The following YAP1 variants were observed in gnomAD, a reference collection of about 807,000 sequenced individuals.
The protein encoded by YAP1 is Yes1 associated transcriptional regulator, also known as transcriptional coactivator YAP1.
A neutral mutation model predicts 56.9 loss-of-function variants in YAP1; 5 were observed. The observed-to-expected ratio is 0.09, with a 90% CI of 0.05 to 0.18. YAP1 has a LOEUF of 0.18. Among genes scored for constraint, YAP1 ranks in the 10% least tolerant of loss-of-function variants. The probability of loss-of-function intolerance (pLI) is 1.00; values close to 1 mark genes in which losing one functional copy is unlikely to be tolerated. For synonymous variants in YAP1, 265 were observed against 248.1 expected (o/e 1.07, Z -0.64); for missense variants, 539 against 651.8 (o/e 0.83, Z 1.88).
At chr11:102,191,333 A>G (rs10895270) in intron 4 of YAP1, among the ~76,000 whole-genome samples, 73,806 of 151,536 alleles carry the variant, frequency 0.49, 18,413 homozygotes, top group East Asian at 0.63. Flanking sequence ...CCACACAGCC[A>G]TTACGATTCC....
chr11:102,168,357 C>T (rs1258949848), intron 3 of YAP1, among the ~76,000 whole-genome samples: 2 of 152,102 alleles, frequency 1.3e-5, no homozygotes, highest in Non-Finnish European at 2.9e-5. Context: ...TGACTAGGAT[C>T]AATAAAAGTT....
chr11:102,135,435 C>G (rs1227461553), intron 2 of YAP1, among the ~76,000 whole-genome samples: 1 of 152,200 alleles, frequency 6.6e-6, no homozygotes, highest in Non-Finnish European at 1.5e-5. Context: ...CCAAAGATAG[C>G]TTCACTCATA....
chr11:102,112,232 C>G (rs1942982758), intron 1 of YAP1, among the ~76,000 whole-genome samples: 1 of 152,226 alleles, frequency 6.6e-6, no homozygotes, highest in Non-Finnish European at 1.5e-5. Context: ...ATTCTAGGAT[C>G]GCCATTGCTT....
intron 6 of YAP1, among the ~76,000 whole-genome samples, chr11:102,211,230 T>G (rs1353789838): frequency 6.6e-6 from 1 of 152,182 alleles, no homozygotes; most frequent in Non-Finnish European, 1.5e-5. Context: ...GATAAATAAG[T>G]CAAATTCTTC....
chr11:102,208,415 C>A (rs772100362), intron 5 of YAP1, among the ~76,000 whole-genome samples: 1 of 152,078 alleles, frequency 6.6e-6, no homozygotes, highest in Non-Finnish European at 1.5e-5. Context: ...TCATTTTCAG[C>A]GAACCTTTAG....
chr11:102,223,865 G>C (rs1263563011), intron 7 of YAP1, 113 bp downstream of exon 7: 12 of 1,354,402 alleles, frequency 8.9e-6, no homozygotes, highest in Non-Finnish European at 1.1e-5. Context: ...AAAAACCATA[G>C]CTGTAAATGA....
At position 102,166,135 on chromosome 11, in the gene YAP1, T is replaced by C. The variant is rs75438387; in HGVS notation, c.688+3564T>C. ...CGATTCTAGGAGTCAGTCAAAACTT[T>C]CCAAATTAGAGTGAAGTGTTATCTT... is the stretch of plus-strand genomic sequence containing the variant. On this transcript the variant is annotated intron_variant, in intron 3 of 8. Coordinates refer to ENST00000282441, the MANE Select transcript of YAP1 (RefSeq NM_001130145.3). Among the ~76,000 whole-genome samples, 178 of 152,306 alleles carry C rather than the reference T, an allele frequency of 1.2e-3. 1 individual carries two copies. The highest frequency in any genetic ancestry group is 4.0e-3 in the African/African-American group (166 of 41,568).
chr11:102,224,014 TA>T (rs1950075861), intron 7 of YAP1, among the ~76,000 whole-genome samples: 1 of 152,260 alleles, frequency 6.6e-6, no homozygotes, highest in African/African-American at 2.4e-5. Context: ...TACTGTTGAC[TA>T]ACAGTTACTT....
chr11:102,223,629 C>A lies in YAP1; in HGVS notation c.1040C>A (p.Ala347Asp). Residue 347 changes from alanine (A) to aspartate (D), a missense_variant, in exon 7 of 9, where the codon GCC (alanine) becomes GAC (aspartate). Around this residue, in one of 4 missense-constraint regions of YAP1, gnomAD observed 414 missense variants for 512.4 expected, o/e 0.81. Transcript: ENST00000282441. ...GGCTTTATTTTTAATTAGGAGTTAG[C>A]CCTGCGTAGCCAGTTACCAACACTG... ...TANSPKCQEL[A>D]LRSQLPTLEQ... 1 of 1,613,660 alleles carries A rather than the reference C, an allele frequency of 6.2e-7. No individual in the cohort carries two copies. Among genetic ancestry groups the A allele is most frequent in the Non-Finnish European group, 8.5e-7 (1 of 1,179,862 alleles).
intron 2 of YAP1, among the ~76,000 whole-genome samples, chr11:102,158,432 A>G (rs1946076463): frequency 2.0e-5 from 3 of 152,212 alleles, no homozygotes; most frequent in Non-Finnish European, 4.4e-5. Flanking sequence ...TATCTAAGGC[A>G]GTGCTTCTCA....
chr11:102,143,525 C>G (rs1389044777), intron 2 of YAP1, among the ~76,000 whole-genome samples: 1 of 152,192 alleles, frequency 6.6e-6, no homozygotes, highest in Admixed American at 6.5e-5. Flanking sequence ...TTAGCCAGCA[C>G]ACCCCCCATA....
intron 2 of YAP1, among the ~76,000 whole-genome samples, chr11:102,135,459 C>G (rs1944622247): frequency 6.6e-6 from 1 of 152,186 alleles, no homozygotes; most frequent in Non-Finnish European, 1.5e-5. Flanking sequence ...CTTGCTTGCA[C>G]TTTGATGTGG....
intron 2 of YAP1, among the ~76,000 whole-genome samples, chr11:102,141,813 T>C (rs946165413): frequency 5.3e-5 from 8 of 152,230 alleles, no homozygotes; most frequent in African/African-American, 1.4e-4. Context: ...TTGTGTCTTA[T>C]GCACTTAGCA....
chr11:102,143,144 T>G (rs1945114813), intron 2 of YAP1, among the ~76,000 whole-genome samples: 1 of 152,186 alleles, frequency 6.6e-6, no homozygotes, highest in Non-Finnish European at 1.5e-5. Flanking sequence ...TTTTTTTGTT[T>G]TTTTGTTTTT....
At chr11:102,126,341 A>G (rs1425136202) in intron 2 of YAP1, among the ~76,000 whole-genome samples, 1 of 152,180 alleles carries the variant, frequency 6.6e-6, no homozygotes, top group Non-Finnish European at 1.5e-5. Flanking sequence ...TGAAATCTCA[A>G]TGTGAATTTT....
intron 3 of YAP1, among the ~76,000 whole-genome samples, chr11:102,175,675 T>C (rs984316613): frequency 2.6e-5 from 4 of 152,210 alleles, no homozygotes; most frequent in African/African-American, 9.6e-5. Context: ...GCTCTTAGGC[T>C]ACAAACCTGG....
chr11:102,154,037 G>A (rs1229109055), intron 2 of YAP1, among the ~76,000 whole-genome samples: 5 of 152,000 alleles, frequency 3.3e-5, no homozygotes, highest in Non-Finnish European at 7.4e-5. Context: ...GACCATGACT[G>A]TGACTATTAG....
intron 2 of YAP1, among the ~76,000 whole-genome samples, chr11:102,117,835 G>C (rs1444751911): frequency 6.6e-6 from 1 of 152,180 alleles, no homozygotes; most frequent in Non-Finnish European, 1.5e-5. Context: ...CCATCGTATT[G>C]AGCTTTCATT....
At chr11:102,130,503 A>G (rs1944312334) in intron 2 of YAP1, among the ~76,000 whole-genome samples, 1 of 151,962 alleles carries the variant, frequency 6.6e-6, no homozygotes, top group Admixed American at 6.6e-5. Flanking sequence ...CTCTGGACTT[A>G]GGTGATTCTC....
Sources: allele counts gnomAD v4.1 joint callset (sites outside exome capture counted in the v4.1 genomes callset), GRCh38; gene constraint gnomAD v4.1.1; regional missense constraint gnomAD v4.1.1; transcripts MANE v1.5; gene names NCBI Gene and HGNC (gene_info 2026-07-23, HGNC 2026-07-21).